Variants in SPOCK1 observed in about 807,000 individuals in gnomAD.
SPOCK1 encodes testican-1.
Under a neutral mutation model 55.3 loss-of-function variants are expected in SPOCK1, and 23 were observed. The ratio of observed to expected loss-of-function variants is 0.42; its 90% CI spans 0.30 to 0.59. SPOCK1 has a LOEUF of 0.59. SPOCK1 is among the 20% of genes least tolerant of loss of function. The probability of loss-of-function intolerance (pLI) is 0.22; values close to 1 mark genes in which losing one functional copy is unlikely to be tolerated. For synonymous variants in SPOCK1, 226 were observed against 221.0 expected (o/e 1.02, Z -0.20); for missense variants, 499 against 552.5 (o/e 0.90, Z 0.97).
intron 3 of SPOCK1, among the ~76,000 whole-genome samples, chr5:137,229,722 TG>T (rs35479346): frequency 6.6e-6 from 1 of 151,582 alleles, no homozygotes; most frequent in East Asian, 1.9e-4. Flanking sequence ...GACCAGGAGG[TG>T]GGGTTGGGGG....
At chr5:137,476,398 G>A (rs565396401) in intron 2 of SPOCK1, among the ~76,000 whole-genome samples, 135 of 152,132 alleles carry the variant, frequency 8.9e-4, no homozygotes, top group African/African-American at 3.0e-3. Context: ...ACCATGCATA[G>A]GTACTATGTA....
chr5:137,302,330 G>A (rs1757608699), intron 2 of SPOCK1, among the ~76,000 whole-genome samples: 1 of 151,874 alleles, frequency 6.6e-6, no homozygotes, highest in South Asian at 2.1e-4. Flanking sequence ...AGCACTTTGG[G>A]AGGCCAAGGC....
At chr5:137,423,082 A>G in intron 2 of SPOCK1, among the ~76,000 whole-genome samples, 1 of 152,186 alleles carries the variant, frequency 6.6e-6, no homozygotes, top group Non-Finnish European at 1.5e-5. Context: ...TATCAGCAGC[A>G]GAGGCTGCAG....
chr5:137,233,072 C>A (rs1004968224), intron 3 of SPOCK1, among the ~76,000 whole-genome samples: 2 of 152,160 alleles, frequency 1.3e-5, no homozygotes, highest in African/African-American at 4.8e-5. Flanking sequence ...GAATACCGAT[C>A]CTAAATATCA....
intron 3 of SPOCK1, among the ~76,000 whole-genome samples, chr5:137,158,404 C>T (rs748549989): frequency 2.0e-5 from 3 of 152,304 alleles, no homozygotes; most frequent in South Asian, 2.1e-4. Context: ...CTGTTGCTAA[C>T]GTCCAAAGAA....
chr5:137,430,467 A>T (rs1752721018), intron 2 of SPOCK1, among the ~76,000 whole-genome samples: 1 of 152,174 alleles, frequency 6.6e-6, no homozygotes, highest in African/African-American at 2.4e-5. Flanking sequence ...TTTGCCCATG[A>T]TGTTTCAGGC....
At chr5:137,011,181 T>G (rs1201909661) in intron 6 of SPOCK1, among the ~76,000 whole-genome samples, 6 of 152,152 alleles carry the variant, frequency 3.9e-5, no homozygotes, top group Admixed American at 3.9e-4. Context: ...TTATATAGAC[T>G]TCGCACTTCA....
At chr5:137,153,878 AAAGAAG>A (rs746685262) in intron 3 of SPOCK1, among the ~76,000 whole-genome samples, 8 of 151,942 alleles carry the variant, frequency 5.3e-5, no homozygotes, top group Admixed American at 5.2e-4. Context: ...AAAAACAAAA[AAAGAAG>A]AAGAAGAAGA....
At chr5:137,108,286 T>C (rs1377852603) in intron 5 of SPOCK1, among the ~76,000 whole-genome samples, 1 of 152,178 alleles carries the variant, frequency 6.6e-6, no homozygotes, top group Non-Finnish European at 1.5e-5. Flanking sequence ...CCTCATAGAA[T>C]GCCACAGGGG....
At chr5:137,476,289 T>C (rs1159348203) in intron 2 of SPOCK1, among the ~76,000 whole-genome samples, 2 of 152,246 alleles carry the variant, frequency 1.3e-5, no homozygotes, top group Admixed American at 1.3e-4. Context: ...GATGGTGACC[T>C]GTGGCAGGTA....
chr5:137,019,576 C>G (rs3849042), intron 6 of SPOCK1, among the ~76,000 whole-genome samples: 128,643 of 152,054 alleles, frequency 0.85, 54,972 homozygotes, highest in South Asian at 0.95. Flanking sequence ...ATGCGGTAAA[C>G]ATCATCGTTG....
intron 4 of SPOCK1, among the ~76,000 whole-genome samples, chr5:137,131,989 A>AAAAAAAAT (rs1391176339): frequency 2.2e-4 from 8 of 36,056 alleles, no homozygotes; most frequent in African/African-American, 1.3e-3. Context: ...AAAAAAAAAA[A>AAAAAAAAT]ATATATATAT....
At chr5:137,383,063 G>A (rs538798470) in intron 2 of SPOCK1, among the ~76,000 whole-genome samples, 12 of 152,248 alleles carry the variant, frequency 7.9e-5, no homozygotes, top group South Asian at 2.1e-4. Flanking sequence ...AGGTAAGGGC[G>A]TGGCCTTTGG....
intron 6 of SPOCK1, among the ~76,000 whole-genome samples, chr5:137,016,234 G>A (rs949909510): frequency 6.6e-6 from 1 of 152,150 alleles, no homozygotes; most frequent in Admixed American, 6.5e-5. Flanking sequence ...CTCTCCTTGT[G>A]AGCTCTGAGA....
chr5:137,190,897 G>A (rs898963822), intron 3 of SPOCK1, among the ~76,000 whole-genome samples: 2 of 152,194 alleles, frequency 1.3e-5, no homozygotes, highest in African/African-American at 2.4e-5. Context: ...ACAGGTCTAT[G>A]TATATTTTCT....
intron 2 of SPOCK1, among the ~76,000 whole-genome samples, chr5:137,292,749 C>T (rs1757397975): frequency 6.7e-6 from 1 of 150,072 alleles, no homozygotes; most frequent in South Asian, 2.1e-4. Flanking sequence ...GATACACATC[C>T]TAACTTTTAA....
intron 3 of SPOCK1, among the ~76,000 whole-genome samples, chr5:137,197,243 G>C (rs1297356144): frequency 6.6e-6 from 1 of 152,178 alleles, no homozygotes; most frequent in Non-Finnish European, 1.5e-5. Context: ...ACAAATGACT[G>C]TCCTGAGTAA....
rs1191973249 is a variant in SPOCK1 at position 136,977,772 on chromosome 5, C to G, written c.*882G>C. The stretch of plus-strand genomic sequence containing the variant: ...TCTCAATCAGAGGCTTTCAGTAACT[C>G]TGCTGATGCACAGAGAAGAGACTTC... On this transcript the variant is annotated 3_prime_UTR_variant, in exon 11 of 11. Transcript: ENST00000394945. 1 of 398,750 alleles carries G rather than the reference C, an allele frequency of 2.5e-6. No homozygotes were observed. Among genetic ancestry groups the G allele is most frequent in the Non-Finnish European group, 4.4e-6 (1 of 226,052 alleles). 24.7% of individuals were successfully genotyped at this position (398,750 alleles called of 1,614,324 possible).
chr5:137,370,129 G>A (rs1280951881), intron 2 of SPOCK1, among the ~76,000 whole-genome samples: 2 of 152,110 alleles, frequency 1.3e-5, no homozygotes, highest in Non-Finnish European at 2.9e-5. Context: ...CTAGGACCTA[G>A]GCTGCCTCTC....
Sources: gnomAD v4.1 joint callset for allele counts (sites outside exome capture counted in the v4.1 genomes callset) on GRCh38, gnomAD v4.1.1 for gene constraint, MANE v1.5 for transcripts, NCBI Gene and HGNC (gene_info 2026-07-23, HGNC 2026-07-21) for gene names.